The following C6orf132 variants were observed in gnomAD, a reference collection of about 807,000 sequenced individuals.
The protein encoded by C6orf132 is uncharacterized protein C6orf132.
A neutral mutation model predicts 65.3 loss-of-function variants in C6orf132; 43 were observed. The ratio of observed to expected loss-of-function variants is 0.66; its 90% confidence interval spans 0.52 to 0.85. The LOEUF is 0.85. Among genes scored for constraint, C6orf132 ranks in the 40% least tolerant of loss-of-function variants. The pLI is 0.00. For missense variants in C6orf132, 1,488 were observed against 1,548.8 expected (o/e 0.96, Z 0.66); for synonymous variants, 631 against 654.1 (o/e 0.96, Z 0.54).
Position 42,106,095 on chromosome 6 carries a change from TCAGC to T in C6orf132, c.1813_1816del (p.Ala605MetfsTer86), listed in dbSNP as rs1766398276. On this transcript the variant is annotated frameshift_variant, in exon 4 of 5. Transcript: ENST00000341865. LOFTEE classifies it high-confidence loss of function. ...CACAGGCTTGGAGAGTTTGTCATCATCAGCCCCGTTTTCACAAATTCTTCCCCCT... is the reference window on the plus strand; with the variant it reads ...CACAGGCTTGGAGAGTTTGTCATCATCCCGTTTTCACAAATTCTTCCCCCT... 1 of 1,537,138 alleles carries T rather than the reference TCAGC, an allele frequency of 6.5e-7. No homozygotes were observed. Among genetic ancestry groups the T allele is most frequent in the African/African-American group, 1.4e-5 (1 of 73,046 alleles).
chr6:42,107,330 C>T lies in C6orf132; in HGVS notation c.582G>A (p.Leu194=), dbSNP rs896990255. The stretch of plus-strand genomic sequence containing the variant: ...GAGTGTGTGGTGGGGATAGGGCCTC[C>T]AATACTGGGGGTGGAGGTGGGGCCA... The part of the protein sequence containing the change: ...PSMAPPPPPV[L]EALSPPHTLS... The change falls in exon 4 of 5, where the codon TTG becomes TTA. Residue 194 remains leucine, a synonymous_variant. Transcript: ENST00000341865. The T allele has an allele frequency of 4.6e-5, 46 of 997,364 alleles. No homozygotes were observed. The highest frequency in any genetic ancestry group is 9.8e-5 in the African/African-American group (4 of 40,972). The allele number at this position is 997,364 out of a possible 1,614,324, so 61.8% of individuals were successfully genotyped here.
rs192338326 is a variant in C6orf132 at position 42,110,136 on chromosome 6, T to C, written c.328+80A>G. 4.5e-5 allele frequency: 52 copies of C among 1,155,878 alleles called. 1 individual carries two copies. In the Admixed American group the frequency reaches 9.7e-4, roughly 22 times the overall value. 71.6% of individuals were successfully genotyped at this position (1,155,878 alleles called of 1,614,324 possible). On this transcript the variant is annotated intron_variant, in intron 3 of 4. Coordinates refer to ENST00000341865, the MANE Select transcript of C6orf132 (RefSeq NM_001164446.3). ...CTGGCTTTGTCACCAGCTGTGAAGA[T>C]GAGCAGATGCTTAGCTTTTGAACTC...
Position 42,107,364 on chromosome 6 carries a change from G to A in C6orf132, c.548C>T (p.Pro183Leu), listed in dbSNP as rs1388209267. 4.9e-6 allele frequency: 5 copies of A among 1,018,902 alleles called. No homozygotes were observed. Among genetic ancestry groups the A allele is most frequent in the South Asian group, 1.6e-5 (1 of 62,888 alleles). The allele number at this position is 1,018,902 out of a possible 1,614,324, so 63.1% of individuals were successfully genotyped here. Reference sequence around the variant, plus strand: ...GGGTGGAGGTGGGGCCATGCTGGGCGGGGGTGGGGGTTCCAGCAGCAGGGG... The same window carrying A: ...GGGTGGAGGTGGGGCCATGCTGGGCAGGGGTGGGGGTTCCAGCAGCAGGGG... ...PPPLLLEPPP[P>L]PSMAPPPPPV... Residue 183 changes from proline (P) to leucine (L), a missense_variant, in exon 4 of 5, where the codon CCG (proline) becomes CTG (leucine). Physicochemically the swap from Pro to Leu is moderately conservative, Grantham distance 98. Transcript: ENST00000341865.
At position 42,106,561 on chromosome 6, in the gene C6orf132, CTGGGCTGGGGGGGTTGGG is replaced by C. The variant is rs1262272823; in HGVS notation, c.1333_1350del (p.Pro445_Pro450del). 4.4e-5 allele frequency: 67 copies of C among 1,531,392 alleles called. No homozygotes were observed. The highest frequency in any genetic ancestry group is 5.6e-5 in the Non-Finnish European group (64 of 1,143,774). The allele number at this position is 1,531,392 out of a possible 1,614,324, so 94.9% of individuals were successfully genotyped here. On this transcript the variant is annotated inframe_deletion, in exon 4 of 5. Coordinates refer to ENST00000341865, the MANE Select transcript of C6orf132 (RefSeq NM_001164446.3). ...ACAGGTGCTGAAGACGCTGTGTTCT[CTGGGCTGGGGGGGTTGGG>C]TTTGGGTTTGAGAGCAGGAGAGCTG...
chr6:42,130,169 G>A lies in C6orf132; in HGVS notation c.146-1391C>T, dbSNP rs74554282. Among the ~76,000 whole-genome samples, 734 of 152,326 alleles carry A rather than the reference G, an allele frequency of 4.8e-3. 5 individuals are homozygous for A. The highest frequency in any genetic ancestry group is 0.017 in the African/African-American group (695 of 41,578). Reference sequence around the variant, plus strand: ...TCCACGTCTCAAAAGGGGCCCGAACGTCGGGTTCTCCGTGTGCTCCGCACG... The same window carrying A: ...TCCACGTCTCAAAAGGGGCCCGAACATCGGGTTCTCCGTGTGCTCCGCACG... On this transcript the variant is annotated intron_variant, in intron 1 of 4. Transcript: ENST00000341865.
chr6:42,123,313 G>T (rs1438891328), intron 2 of C6orf132, among the ~76,000 whole-genome samples: 1 of 151,912 alleles, frequency 6.6e-6, no homozygotes, highest in African/African-American at 2.4e-5. Context: ...AACCCAGGAG[G>T]CGGAGCCTGC....
chr6:42,106,101 C>T lies in C6orf132; in HGVS notation c.1811G>A (p.Gly604Glu), dbSNP rs1211516174. 1.3e-6 allele frequency: 2 copies of T among 1,537,104 alleles called. No individual in the cohort carries two copies. Among genetic ancestry groups the T allele is most frequent in the Non-Finnish European group, 1.7e-6 (2 of 1,146,912 alleles). Residue 604 changes from glycine (G) to glutamate (E), a missense_variant, in exon 4 of 5, where the codon GGG becomes GAG. Gly to Glu is a moderately conservative substitution (Grantham distance 98, BLOSUM62 -2). Transcript: ENST00000341865. Reference sequence around the variant, plus strand: ...CTTGGAGAGTTTGTCATCATCAGCCCCGTTTTCACAAATTCTTCCCCCTTC... The same window carrying T: ...CTTGGAGAGTTTGTCATCATCAGCCTCGTTTTCACAAATTCTTCCCCCTTC... ...RLEGGRICEN[G>E]ADDDKLSKPV... is the part of the protein sequence containing the mutation.
chr6:42,107,510 G>T lies in C6orf132; in HGVS notation c.402C>A (p.Gly134=). Residue 134 remains glycine, a synonymous_variant, in exon 4 of 5, where the codon GGC becomes GGA. Coordinates refer to ENST00000341865, the MANE Select transcript of C6orf132 (RefSeq NM_001164446.3). ...GAGGTGGGGGGATGAGTAGATCCTGGCCATATTGTCCAGGCCTCAGGTCAC... is the reference window on the plus strand; with the variant it reads ...GAGGTGGGGGGATGAGTAGATCCTGTCCATATTGTCCAGGCCTCAGGTCAC... The part of the protein sequence containing the change: ...SVGDLRPGQY[G]QDLLIPPPPP... 1 of 1,549,834 alleles carries T rather than the reference G, an allele frequency of 6.5e-7. No homozygotes were observed. The highest frequency in any genetic ancestry group is 8.7e-7 in the Non-Finnish European group (1 of 1,146,212).
intron 2 of C6orf132, among the ~76,000 whole-genome samples, chr6:42,121,665 C>T (rs765480753): frequency 5.9e-5 from 9 of 152,228 alleles, no homozygotes; most frequent in Non-Finnish European, 8.8e-5. Flanking sequence ...GCAGCCAGCT[C>T]GGAGTCTTAG....
Position 42,105,301 on chromosome 6 carries a change from G to C in C6orf132, c.2611C>G (p.His871Asp). 1.3e-6 allele frequency: 2 copies of C among 1,537,116 alleles called. No homozygotes were observed. The highest frequency in any genetic ancestry group is 1.7e-6 in the Non-Finnish European group (2 of 1,146,894). ...RSSLPGSLRD[H>D]SHQAEASSDS... ...GAGCTGGCCTCGGCTTGGTGGCTGT[G>C]GTCACGGAGACTTCCTGGCAGAGAG... is the stretch of plus-strand genomic sequence containing the variant. The change falls in exon 4 of 5, where the codon CAC becomes GAC. Residue 871 changes from histidine to aspartate, a missense_variant. Transcript: ENST00000341865.
At chr6:42,111,525 G>T in intron 2 of C6orf132, among the ~76,000 whole-genome samples, 1 of 151,938 alleles carries the variant, frequency 6.6e-6, no homozygotes, top group Non-Finnish European at 1.5e-5. Flanking sequence ...CTCGTGATCT[G>T]CCCACCTCTG....
At chr6:42,131,191 TTG>T (rs1766847593) in intron 1 of C6orf132, among the ~76,000 whole-genome samples, 1 of 151,932 alleles carries the variant, frequency 6.6e-6, no homozygotes, top group East Asian at 1.9e-4. Context: ...CAGCTAATTT[TTG>T]TATTTTTAGT....
chr6:42,124,149 G>C lies in C6orf132; in HGVS notation c.252+4523C>G, dbSNP rs2127477542. 6.6e-6 allele frequency among the ~76,000 whole-genome samples: 1 copy of C among 152,342 alleles called. No homozygotes were observed. Among genetic ancestry groups the C allele is most frequent in the Non-Finnish European group, 1.5e-5 (1 of 68,014 alleles). On this transcript the variant is annotated intron_variant, in intron 2 of 4. Coordinates refer to ENST00000341865, the MANE Select transcript of C6orf132 (RefSeq NM_001164446.3). This position sits in a 1 kb window ranked among gnomAD's most constrained non-coding sequence, Gnocchi z 4.0. ...CCCAGGGAGAGGAAGGGACTGGCCT[G>C]CAGCCACCCCGCATCCCAGCAGCAG... is the stretch of plus-strand genomic sequence containing the variant.
At chr6:42,137,751 C>A (rs1449989168) in intron 1 of C6orf132, among the ~76,000 whole-genome samples, 4 of 150,996 alleles carry the variant, frequency 2.6e-5, no homozygotes, top group Non-Finnish European at 5.9e-5. Flanking sequence ...AAACCCAGAG[C>A]CCAAAGGCTG....
chr6:42,129,653 A>T (rs1016648205), intron 1 of C6orf132, among the ~76,000 whole-genome samples: 1 of 152,210 alleles, frequency 6.6e-6, no homozygotes, highest in African/African-American at 2.4e-5. Flanking sequence ...ATCACATCAC[A>T]TCCCTTTCTC....
In C6orf132 at chr6:42,107,472, G is replaced by C. The variant is rs1322450983; in HGVS notation, c.440C>G (p.Ala147Gly). The C allele has an allele frequency of 6.5e-7, 1 of 1,544,550 alleles. No homozygotes were observed. The highest frequency in any genetic ancestry group is 8.7e-7 in the Non-Finnish European group (1 of 1,143,930). Residue 147 changes from alanine to glycine, a missense_variant, in exon 4 of 5, where the codon GCC becomes GGC. Physicochemically the swap from Ala to Gly is moderately conservative, Grantham distance 60. Coordinates refer to ENST00000341865, the MANE Select transcript of C6orf132 (RefSeq NM_001164446.3). ...LLIPPPPPGPAPGPPQDISEP... is the reference protein window; with the variant it reads ...LLIPPPPPGPGPGPPQDISEP... Reference sequence around the variant, plus strand: ...TGAAATGTCCTGAGGGGGCCCTGGGGCTGGGCCTGGGGGAGGTGGGGGGAT... The same window carrying C: ...TGAAATGTCCTGAGGGGGCCCTGGGCCTGGGCCTGGGGGAGGTGGGGGGAT...
intron 1 of C6orf132, among the ~76,000 whole-genome samples, chr6:42,134,591 C>T (rs557545370): frequency 3.3e-5 from 5 of 151,528 alleles, no homozygotes; most frequent in African/African-American, 9.7e-5. Flanking sequence ...CTGGCCAACA[C>T]GGTGAAACCC....
At chr6:42,114,035 A>G (rs1766530908) in intron 2 of C6orf132, among the ~76,000 whole-genome samples, 1 of 152,162 alleles carries the variant, frequency 6.6e-6, no homozygotes, top group Non-Finnish European at 1.5e-5. Flanking sequence ...CTTCTGGGTT[A>G]CCCTGAATGC....
intron 2 of C6orf132, among the ~76,000 whole-genome samples, chr6:42,112,242 G>A (rs543449646): frequency 6.6e-6 from 1 of 152,246 alleles, no homozygotes; most frequent in Non-Finnish European, 1.5e-5. Context: ...AAAGACCTTT[G>A]GTAAGTTGTC....
Sources: allele counts gnomAD v4.1 joint callset (sites outside exome capture counted in the v4.1 genomes callset), GRCh38; gene constraint gnomAD v4.1.1; non-coding constraint Gnocchi (gnomAD v3.1); transcripts MANE v1.5; gene names NCBI Gene and HGNC (gene_info 2026-07-23, HGNC 2026-07-21).